Variants in SUGCT observed in about 807,000 individuals in gnomAD.
SUGCT encodes succinyl-CoA:glutarate-CoA transferase, also known as succinyl-CoA:glutarate CoA-transferase.
Under a neutral mutation model 55.0 loss-of-function variants are expected in SUGCT, and 41 were observed. That is an observed-to-expected ratio of 0.74 (90% CI 0.58 to 0.97). The LOEUF (loss-of-function observed/expected upper bound fraction) is 0.97. SUGCT is among the 50% of genes least tolerant of loss of function. The pLI, the probability that SUGCT is intolerant of heterozygous loss-of-function variation, is 0.00. For synonymous variants in SUGCT, 187 were observed against 200.4 expected (o/e 0.93, Z 0.56); for missense variants, 568 against 547.8 (o/e 1.04, Z -0.37).
intron 13 of SUGCT, among the ~76,000 whole-genome samples, chr7:40,845,020 A>T (rs73689864): frequency 0.011 from 1,742 of 151,902 alleles, 28 homozygotes; most frequent in African/African-American, 0.04. Context: ...CTTGTTTTCT[A>T]TTCTAGGAAT....
chr7:40,980,626 T>G, the SUGCT span, among the ~76,000 whole-genome samples: 4 of 144,938 alleles, frequency 2.8e-5, no homozygotes, highest in Non-Finnish European at 6.1e-5. Flanking sequence ...ACATTCGTAC[T>G]GTAAAAGAGA....
At chr7:40,890,008 G>A in the SUGCT span, among the ~76,000 whole-genome samples, 4 of 151,596 alleles carry the variant, frequency 2.6e-5, no homozygotes, top group African/African-American at 7.3e-5. Flanking sequence ...ATATTGCATC[G>A]TTCACTTAGC....
chr7:41,022,582 C>A, the SUGCT span, among the ~76,000 whole-genome samples: 1 of 151,836 alleles, frequency 6.6e-6, no homozygotes, highest in South Asian at 2.1e-4. Context: ...ATATTAAAAC[C>A]AAGTATTTGA....
intron 12 of SUGCT, among the ~76,000 whole-genome samples, chr7:40,616,692 G>A (rs908344487): frequency 6.6e-6 from 1 of 152,190 alleles, no homozygotes; most frequent in Non-Finnish European, 1.5e-5. Flanking sequence ...GACTCTGAAG[G>A]TGGCCATAAG....
At chr7:40,332,896 G>A (rs1437842345) in intron 9 of SUGCT, among the ~76,000 whole-genome samples, 1 of 152,176 alleles carries the variant, frequency 6.6e-6, no homozygotes, top group African/African-American at 2.4e-5. Flanking sequence ...AGTAGTGACA[G>A]GAGAAGAGGA....
rs1780708242 is a variant in SUGCT at position 40,189,732 on chromosome 7, T to C, written c.363+138T>C. The C allele has an allele frequency of 2.4e-5, 8 of 327,194 alleles. No individual in the cohort carries two copies. The South Asian group carries it at 7.8e-4, about 32-fold the overall frequency. The allele number at this position is 327,194 out of a possible 1,614,324, so 20.3% of individuals were successfully genotyped here. A position where few individuals can be genotyped will look rare whatever the true frequency, so the allele number is the denominator to read the frequency against. On this transcript the variant is annotated intron_variant, in intron 5 of 13. Transcript: ENST00000335693. ...ACAAATACCTTTTAAGTATTTACTT[T>C]GATTTGTATACTTCTTTGTAAGTGT... is the stretch of plus-strand genomic sequence containing the variant.
rs566580645 is a variant in SUGCT, at chr7:40,624,247, T to C, written c.1090-125187T>C. 2.0e-5 allele frequency among the ~76,000 whole-genome samples: 3 copies of C among 152,206 alleles called. 1 individual carries two copies. The South Asian group carries it at 6.2e-4, about 32-fold the overall frequency. The stretch of plus-strand genomic sequence containing the variant: ...CTTCCTCTTGCTCTAGGCTATCCTC[T>C]CCTCTTTCTCCACCAGGACCTTTTT... On this transcript the variant is annotated intron_variant, in intron 12 of 13. Transcript: ENST00000335693.
chr7:40,433,671 C>T (rs1170221041), intron 9 of SUGCT, among the ~76,000 whole-genome samples: 1 of 152,100 alleles, frequency 6.6e-6, no homozygotes, highest in African/African-American at 2.4e-5. Flanking sequence ...GAGGAATGCT[C>T]AGTTGCATGA....
In SUGCT at chr7:40,538,685, T is replaced by G. The variant is rs577018692; in HGVS notation, c.1089+42299T>G. 5.3e-5 allele frequency: 8 copies of G among 152,328 alleles called. No homozygotes were observed. The East Asian group carries it at 1.2e-3, about 22-fold the overall frequency. 9.4% of individuals were successfully genotyped at this position (152,328 alleles called of 1,614,324 possible). A position where few individuals can be genotyped will look rare whatever the true frequency, so the allele number is the denominator to read the frequency against. On this transcript the variant is annotated intron_variant, in intron 12 of 13. Transcript: ENST00000335693. ...GATTAGAATATGAAGGCTGAGCGTC[T>G]GGGGAAATTTTTTTAAAGAAATGTT...
At chr7:40,476,970 C>T (rs540516827) in intron 11 of SUGCT, among the ~76,000 whole-genome samples, 4 of 152,062 alleles carry the variant, frequency 2.6e-5, no homozygotes, top group South Asian at 2.1e-4. Context: ...TGAGCCACTG[C>T]GCCCAGCCAA....
chr7:40,575,607 A>G (rs1174095989), intron 12 of SUGCT, among the ~76,000 whole-genome samples: 3 of 151,536 alleles, frequency 2.0e-5, no homozygotes, highest in African/African-American at 7.3e-5. Context: ...AAAAAAAAAA[A>G]GCTAAAAATG....
At chr7:40,837,076 T>C (rs1435018280) in intron 13 of SUGCT, among the ~76,000 whole-genome samples, 1 of 152,228 alleles carries the variant, frequency 6.6e-6, no homozygotes, top group Non-Finnish European at 1.5e-5. Context: ...AGTGATCCAA[T>C]TTCTCTGCAT....
the SUGCT span, among the ~76,000 whole-genome samples, chr7:40,951,833 T>C: frequency 6.6e-6 from 1 of 152,218 alleles, no homozygotes; most frequent in South Asian, 2.1e-4. Context: ...TGTTATAATT[T>C]CTGTTCTTTT....
chr7:40,841,490 T>G (rs1024786860), intron 13 of SUGCT, among the ~76,000 whole-genome samples: 2 of 152,332 alleles, frequency 1.3e-5, no homozygotes, highest in Admixed American at 1.3e-4. Flanking sequence ...ACACAGGGAA[T>G]GTTTCAGTTA....
At position 40,496,977 on chromosome 7, in the gene SUGCT, G is replaced by C. The variant is rs754353737; in HGVS notation, c.1089+591G>C. 5.3e-5 allele frequency among the ~76,000 whole-genome samples: 8 copies of C among 152,138 alleles called. No individual in the cohort carries two copies. The South Asian group carries it at 6.2e-4, about 12-fold the overall frequency. On this transcript the variant is annotated intron_variant, in intron 12 of 13. Coordinates refer to ENST00000335693, the MANE Select transcript of SUGCT (RefSeq NM_001193313.2). ...GGCTCCTTTTTGGGCTCCAGGAACAGGGTCACCTGAAAATATATTTACTTT... is the reference window on the plus strand; with the variant it reads ...GGCTCCTTTTTGGGCTCCAGGAACACGGTCACCTGAAAATATATTTACTTT...
intron 12 of SUGCT, among the ~76,000 whole-genome samples, chr7:40,720,157 G>A: frequency 6.6e-6 from 1 of 152,134 alleles, no homozygotes; most frequent in East Asian, 1.9e-4. Flanking sequence ...CCTTGGGTAA[G>A]TCACTTAACC....
intron 6 of SUGCT, among the ~76,000 whole-genome samples, chr7:40,197,908 G>C (rs1229896020): frequency 6.6e-6 from 1 of 152,158 alleles, no homozygotes; most frequent in Non-Finnish European, 1.5e-5. Context: ...ACTGGTTAGG[G>C]TCAAAAGTTC....
At chr7:40,267,439 T>C (rs1791666321) in intron 7 of SUGCT, among the ~76,000 whole-genome samples, 2 of 152,242 alleles carry the variant, frequency 1.3e-5, no homozygotes, top group Non-Finnish European at 2.9e-5. Context: ...TTAAGTCCAC[T>C]TCTAATAAAT....
intron 13 of SUGCT, among the ~76,000 whole-genome samples, chr7:40,760,435 G>A (rs968123129): frequency 2.6e-5 from 4 of 152,138 alleles, no homozygotes; most frequent in African/African-American, 9.7e-5. Context: ...TCAGGGGCTG[G>A]AGGGAGAGGG....
Sources: allele counts gnomAD v4.1 joint callset (sites outside exome capture counted in the v4.1 genomes callset), GRCh38; gene constraint gnomAD v4.1.1; transcripts MANE v1.5; gene names NCBI Gene and HGNC (gene_info 2026-07-23, HGNC 2026-07-21).